SETD7: variants seen among roughly 807,000 people sequenced by gnomAD.
The protein encoded by SETD7 is histone-lysine N-methyltransferase SETD7.
Under a neutral mutation model 41.8 loss-of-function variants are expected in SETD7, and 16 were observed. That is an observed-to-expected ratio of 0.38 (90% CI 0.26 to 0.58). The LOEUF (loss-of-function observed/expected upper bound fraction) is 0.58. Among genes scored for constraint, SETD7 ranks in the 20% least tolerant of loss-of-function variants. The pLI is 0.64. For missense variants in SETD7, 346 were observed against 459.7 expected, an observed-to-expected ratio of 0.75 and a Z score of 2.26; for synonymous variants, 163 against 169.7, an observed-to-expected ratio of 0.96 and a Z score of 0.31.
chr4:139,529,339 GT>G (rs1403181939), intron 3 of SETD7, 119 bp from the exon 4 acceptor site: 11 of 722,952 alleles, frequency 1.5e-5, no homozygotes, highest in Non-Finnish European at 2.4e-5. Context: ...GATAATAACA[GT>G]TTAGGAACCC....
Position 139,529,125 on chromosome 4 carries a change from A to G in SETD7, c.468T>C (p.Tyr156=). 2 of 1,614,074 alleles carry G rather than the reference A, an allele frequency of 1.2e-6. No homozygotes were observed. The highest frequency in any genetic ancestry group is 1.7e-6 in the Non-Finnish European group (2 of 1,179,996). ...YVYPDERTAL[Y]GKFIDGEMIE... is the part of the protein sequence containing the mutation. ...TCATCTCTCCATCAATAAATTTCCCATAAAGTGCGGTCCTCTCATCAGGGT... is the reference window on the plus strand; with the variant it reads ...TCATCTCTCCATCAATAAATTTCCCGTAAAGTGCGGTCCTCTCATCAGGGT... Residue 156 remains tyrosine, a synonymous_variant, in exon 4 of 8, where the codon TAT becomes TAC. Coordinates refer to ENST00000274031, the MANE Select transcript of SETD7 (RefSeq NM_030648.4).
At chr4:139,533,422 G>T in intron 2 of SETD7, 56 bp from the exon 3 acceptor site, 1 of 1,465,928 alleles carries the variant, frequency 6.8e-7, no homozygotes, top group Non-Finnish European at 9.4e-7. Flanking sequence ...GACTCTCTTA[G>T]AAGAAAGGAT....
downstream of SETD7, among the ~76,000 whole-genome samples, chr4:139,502,321 C>G (rs2111110169): frequency 6.6e-6 from 1 of 152,232 alleles, no homozygotes; most frequent in South Asian, 2.1e-4. Flanking sequence ...TAATGAGAAG[C>G]ATGGTGAAAA....
chr4:139,552,696 G>A (rs940180226), intron 1 of SETD7, among the ~76,000 whole-genome samples: 2 of 152,062 alleles, frequency 1.3e-5, no homozygotes, highest in East Asian at 3.9e-4. Flanking sequence ...GGGTGCACCC[G>A]CAGAATTCCA....
At chr4:139,517,858 G>C in intron 7 of SETD7, 27 bp downstream of exon 7, 3 of 1,597,050 alleles carry the variant, frequency 1.9e-6, no homozygotes, top group Non-Finnish European at 2.6e-6. Context: ...GCATAGATCC[G>C]CCCCAGCAGC....
downstream of SETD7, chr4:139,505,918 T>A (rs954587869): frequency 2.4e-4 from 37 of 152,588 alleles, no homozygotes; most frequent in African/African-American, 8.2e-4. Flanking sequence ...TGGCTAATAA[T>A]ATTTTAAAAC....
intron 2 of SETD7, among the ~76,000 whole-genome samples, chr4:139,541,433 A>G (rs1162741248): frequency 2.0e-5 from 3 of 152,198 alleles, no homozygotes; most frequent in Non-Finnish European, 2.9e-5. Context: ...ATCACACCCC[A>G]TGGTACTCCA....
chr4:139,511,939 C>T, intron 7 of SETD7, 96 bp from the exon 8 acceptor site: 1 of 1,497,910 alleles, frequency 6.7e-7, no homozygotes, highest in Non-Finnish European at 8.8e-7. Context: ...CCCCCAGGCA[C>T]TCTTCCCTGG....
intron 2 of SETD7, among the ~76,000 whole-genome samples, chr4:139,545,181 G>A (rs1210277669): frequency 6.6e-6 from 1 of 151,574 alleles, no homozygotes; most frequent in Non-Finnish European, 1.5e-5. Context: ...GAAAAGCAGT[G>A]ATACCAACTT....
chr4:139,493,408 G>T (rs1726392845), downstream of SETD7, among the ~76,000 whole-genome samples: 1 of 152,206 alleles, frequency 6.6e-6, no homozygotes. Context: ...ACAGTGGGTG[G>T]GGGAGAACGG....
At chr4:139,545,207 G>C (rs951560432) in intron 2 of SETD7, among the ~76,000 whole-genome samples, 21 of 151,754 alleles carry the variant, frequency 1.4e-4, no homozygotes, top group African/African-American at 5.1e-4. Context: ...TTTTGAAACA[G>C]GGTCTTGCTC....
chr4:139,540,146 A>C lies in SETD7; in HGVS notation c.170+6774T>G, dbSNP rs894034476. 3.3e-5 allele frequency among the ~76,000 whole-genome samples: 5 copies of C among 152,200 alleles called. No individual in the cohort carries two copies. In the South Asian group the frequency reaches 1.0e-3, roughly 32 times the overall value. On this transcript the variant is annotated intron_variant, in intron 2 of 7. Coordinates refer to ENST00000274031, the MANE Select transcript of SETD7 (RefSeq NM_030648.4). The stretch of plus-strand genomic sequence containing the variant: ...TTTAAGGGTCTTTACAGGTTTTCTC[A>C]TTCAATCACAGCAATCCTGAAAAGC...
At chr4:139,519,310 T>C (rs561408616) in intron 6 of SETD7, among the ~76,000 whole-genome samples, 1 of 152,368 alleles carries the variant, frequency 6.6e-6, no homozygotes, top group East Asian at 1.9e-4. Flanking sequence ...CAGTTTGAAA[T>C]CCTACTTGAA....
intron 3 of SETD7, among the ~76,000 whole-genome samples, chr4:139,531,465 C>T (rs1377795729): frequency 6.6e-6 from 1 of 152,158 alleles, no homozygotes; most frequent in African/African-American, 2.4e-5. Flanking sequence ...CAGCAAGATG[C>T]CCACCCTGGC....
chr4:139,540,387 G>A (rs62321266), intron 2 of SETD7, among the ~76,000 whole-genome samples: 1,967 of 152,294 alleles, frequency 0.013, 27 homozygotes, highest in Non-Finnish European at 0.022. Flanking sequence ...TAACTTCAAG[G>A]AAAATTAAAG....
In SETD7 at chr4:139,508,945, C is replaced by T. The variant is rs1017210190; in HGVS notation, c.*2718G>A. On this transcript the variant is annotated 3_prime_UTR_variant, in exon 8 of 8. Transcript: ENST00000274031. Reference sequence around the variant, plus strand: ...GCCTTACTCCGATTCCAACCTGCCACAGAGCCTTACATTTGGGAGTATGTG... The same window carrying T: ...GCCTTACTCCGATTCCAACCTGCCATAGAGCCTTACATTTGGGAGTATGTG... 7 of 152,156 alleles carry T rather than the reference C, an allele frequency of 4.6e-5. No homozygotes were observed. Among genetic ancestry groups the T allele is most frequent in the African/African-American group, 1.2e-4 (5 of 41,390 alleles). 9.4% of individuals were successfully genotyped at this position (152,156 alleles called of 1,614,324 possible). A position where few individuals can be genotyped will look rare whatever the true frequency, so the allele number is the denominator to read the frequency against.
At chr4:139,515,135 C>CT in intron 7 of SETD7, among the ~76,000 whole-genome samples, 1 of 141,364 alleles carries the variant, frequency 7.1e-6, no homozygotes. Flanking sequence ...CATTGCACCT[C>CT]TAGCCTGGGC....
At chr4:139,523,588 T>C (rs1250750360) in intron 4 of SETD7, among the ~76,000 whole-genome samples, 153 bp from the exon 5 acceptor site, 1 of 152,258 alleles carries the variant, frequency 6.6e-6, no homozygotes, top group African/African-American at 2.4e-5. Flanking sequence ...TTTAAATGGA[T>C]ACATTTTAGA....
chr4:139,546,534 G>A, intron 2 of SETD7: 1 of 325,274 alleles, frequency 3.1e-6, no homozygotes, highest in Non-Finnish European at 5.9e-6. Context: ...GACTTTACTG[G>A]AACTGTGCAA....
Sources: allele counts gnomAD v4.1 joint callset (sites outside exome capture counted in the v4.1 genomes callset), GRCh38; gene constraint gnomAD v4.1.1; transcripts MANE v1.5; gene names NCBI Gene and HGNC (gene_info 2026-07-23, HGNC 2026-07-21).